DOCK1: variants seen among roughly 807,000 people sequenced by gnomAD.
The protein encoded by DOCK1 is dedicator of cytokinesis protein 1.
DOCK1 carries 138 observed loss-of-function variants against 262.7 expected under a neutral mutation model. The ratio of observed to expected loss-of-function variants is 0.53; its 90% CI spans 0.46 to 0.61. The LOEUF is 0.61. Among genes scored for constraint, DOCK1 ranks in the 20% least tolerant of loss-of-function variants. The pLI is 0.00. For missense variants in DOCK1, 1,908 were observed against 2,370.7 expected (o/e 0.80, Z 4.05); for synonymous variants, 866 against 867.4 (o/e 1.00, Z 0.03).
intron 29 of DOCK1, among the ~76,000 whole-genome samples, chr10:127,329,306 C>T (rs2135643354): frequency 6.6e-6 from 1 of 152,280 alleles, no homozygotes; most frequent in Non-Finnish European, 1.5e-5. Context: ...TTCACTCACC[C>T]AATTAGTGAT....
chr10:127,273,757 C>T (rs1328644514), intron 29 of DOCK1, among the ~76,000 whole-genome samples: 2 of 152,008 alleles, frequency 1.3e-5, no homozygotes, highest in African/African-American at 2.4e-5. Context: ...ATGGCAGGCA[C>T]CTGTAGTCCA....
At chr10:126,908,912 G>A (rs1029328509) in intron 1 of DOCK1, among the ~76,000 whole-genome samples, 4 of 152,180 alleles carry the variant, frequency 2.6e-5, no homozygotes, top group Non-Finnish European at 5.9e-5. Flanking sequence ...AGAATCACAC[G>A]TGAGGACCAT....
intron 33 of DOCK1, among the ~76,000 whole-genome samples, chr10:127,364,556 G>A (rs1419256060): frequency 1.3e-5 from 2 of 152,094 alleles, no homozygotes; most frequent in Non-Finnish European, 2.9e-5. Context: ...AGTAGAGACG[G>A]TGTTTCACCA....
intron 2 of DOCK1, 44 bp from the exon 3 acceptor site, chr10:126,977,904 A>C (rs2038668408): frequency 6.2e-7 from 1 of 1,603,036 alleles, no homozygotes; most frequent in East Asian, 2.2e-5. Context: ...GAGGACCCTA[A>C]CATGTCTCTT....
intron 27 of DOCK1, among the ~76,000 whole-genome samples, chr10:127,180,511 G>A (rs1490725592): frequency 6.6e-6 from 1 of 152,230 alleles, no homozygotes; most frequent in Non-Finnish European, 1.5e-5. Flanking sequence ...AGAGCTAGAT[G>A]TCGAGGAGCT....
At position 127,138,864 on chromosome 10, in the gene DOCK1, C is replaced by G. The variant is rs368877512; in HGVS notation, c.2847+11100C>G. On this transcript the variant is annotated intron_variant, in intron 27 of 51. Coordinates refer to ENST00000623213, the MANE Select transcript of DOCK1 (RefSeq NM_001290223.2). ...TTGCTGTCAACTTGTCTAGAGCCCT[C>G]TCGTCTCCATGTCTTTGAAAAGGAC... Among the ~76,000 whole-genome samples, 19 of 152,344 alleles carry G rather than the reference C, an allele frequency of 1.2e-4. No individual in the cohort carries two copies. The East Asian group carries it at 3.5e-3, about 28-fold the overall frequency.
At position 127,451,727 on chromosome 10, in the gene DOCK1, C is replaced by G. The variant is rs548868896; in HGVS notation, c.*300C>G. On this transcript the variant is annotated 3_prime_UTR_variant, in exon 52 of 52. Transcript: ENST00000623213. ...TCTGAGTCTTGCCCAAACATTCTTT[C>G]TTTTTGTGCCAAATGACTTGCATTT... 3.9e-5 allele frequency: 17 copies of G among 438,916 alleles called. No individual in the cohort carries two copies. The highest frequency in any genetic ancestry group is 5.8e-5 in the Non-Finnish European group (15 of 257,004). 27.2% of individuals were successfully genotyped at this position (438,916 alleles called of 1,614,324 possible).
At chr10:127,377,710 G>A (rs1388965932) in intron 35 of DOCK1, among the ~76,000 whole-genome samples, 1 of 151,926 alleles carries the variant, frequency 6.6e-6, no homozygotes, top group Non-Finnish European at 1.5e-5. Flanking sequence ...TGGCCAACAT[G>A]GTAAAACCCC....
At chr10:127,314,759 C>T (rs2062201839) in intron 29 of DOCK1, among the ~76,000 whole-genome samples, 1 of 152,140 alleles carries the variant, frequency 6.6e-6, no homozygotes, top group Admixed American at 6.5e-5. Flanking sequence ...TGGAAAGAAC[C>T]CTGTCTGTCA....
intron 1 of DOCK1, among the ~76,000 whole-genome samples, chr10:126,949,851 G>A (rs1239313005): frequency 6.6e-6 from 1 of 152,024 alleles, no homozygotes; most frequent in Non-Finnish European, 1.5e-5. Flanking sequence ...GCACCAAAGG[G>A]AGAGTGGCCA....
chr10:126,977,866 T>G, intron 2 of DOCK1, 82 bp from the exon 3 acceptor site: 29 of 1,369,110 alleles, frequency 2.1e-5, no homozygotes, highest in Non-Finnish European at 2.8e-5. Flanking sequence ...TGCCAAACAG[T>G]GAGTTCTACA....
intron 10 of DOCK1, among the ~76,000 whole-genome samples, chr10:127,006,315 C>T (rs912058946): frequency 4.6e-5 from 7 of 152,230 alleles, no homozygotes; most frequent in Admixed American, 3.3e-4. Flanking sequence ...CTTGTCCCAA[C>T]GCCACTGCCT....
At chr10:127,401,497 A>T (rs1222380757) in intron 38 of DOCK1, among the ~76,000 whole-genome samples, 4 of 152,148 alleles carry the variant, frequency 2.6e-5, no homozygotes, top group Non-Finnish European at 5.9e-5. Flanking sequence ...TTAGGGTTTG[A>T]TATGCTGGCC....
At chr10:127,094,408 C>G (rs1290316191) in intron 23 of DOCK1, among the ~76,000 whole-genome samples, 3 of 152,060 alleles carry the variant, frequency 2.0e-5, no homozygotes, top group Non-Finnish European at 4.4e-5. Context: ...GGCTTGAGCT[C>G]CACTCTGCAT....
At chr10:126,916,730 C>T (rs1485935391) in intron 1 of DOCK1, among the ~76,000 whole-genome samples, 3 of 151,830 alleles carry the variant, frequency 2.0e-5, no homozygotes, top group Non-Finnish European at 2.9e-5. Flanking sequence ...TCCTTTCCTT[C>T]CTTCCCTTCT....
chr10:127,451,215 T>C, intron 51 of DOCK1, 117 bp from the exon 52 acceptor site: 2 of 1,146,464 alleles, frequency 1.7e-6, no homozygotes, highest in South Asian at 1.4e-5. Flanking sequence ...GCCCAACTCA[T>C]GTGGGGAGGA....
chr10:127,142,923 G>C (rs2051407918), intron 27 of DOCK1, among the ~76,000 whole-genome samples: 1 of 152,182 alleles, frequency 6.6e-6, no homozygotes, highest in African/African-American at 2.4e-5. Context: ...CATTTCCAAA[G>C]AAAGAAGAAT....
chr10:127,367,913 G>T (rs1416932505), intron 33 of DOCK1, among the ~76,000 whole-genome samples: 1 of 152,196 alleles, frequency 6.6e-6, no homozygotes. Context: ...GGGGATACAT[G>T]TGGGAAGCCC....
chr10:127,086,122 A>T (rs1179158170), intron 23 of DOCK1, among the ~76,000 whole-genome samples: 1 of 152,022 alleles, frequency 6.6e-6, no homozygotes, highest in Non-Finnish European at 1.5e-5. Flanking sequence ...TGCAAGAGGG[A>T]TTCAGTGAGG....
Sources: allele counts gnomAD v4.1 joint callset (sites outside exome capture counted in the v4.1 genomes callset), GRCh38; gene constraint gnomAD v4.1.1; transcripts MANE v1.5; gene names NCBI Gene and HGNC (gene_info 2026-07-23, HGNC 2026-07-21).